The following OR9Q1 variants were observed in gnomAD, a reference collection of about 807,000 sequenced individuals.
OR9Q1 encodes the protein olfactory receptor family 9 subfamily Q member 1, also known as olfactory receptor 9Q1.
For synonymous variants in OR9Q1, 153 were observed against 148.6 expected (o/e 1.03, Z -0.22); for missense variants, 374 against 378.8 (o/e 0.99, Z 0.11).
In OR9Q1 at chr11:58,109,181, T is replaced by A. The variant is rs924608963; in HGVS notation, c.-15+53234T>A. 5 of 486,460 alleles carry A rather than the reference T, an allele frequency of 1.0e-5. No homozygotes were observed. The Admixed American group carries it at 1.1e-4, about 11-fold the overall frequency. 30.1% of individuals were successfully genotyped at this position (486,460 alleles called of 1,614,324 possible). A position where few individuals can be genotyped will look rare whatever the true frequency, so the allele number is the denominator to read the frequency against. ...CAGAAGGAGAGGGTGAAGGTGCACGTGGTATGCAGAATGGCCCCTGACACC... is the reference window on the plus strand; with the variant it reads ...CAGAAGGAGAGGGTGAAGGTGCACGAGGTATGCAGAATGGCCCCTGACACC... On this transcript the variant is annotated intron_variant, in intron 2 of 2. Coordinates refer to ENST00000335397, the MANE Select transcript of OR9Q1 (RefSeq NM_001005212.4).
chr11:58,064,862 C>A (rs1340276954), intron 2 of OR9Q1, among the ~76,000 whole-genome samples: 1 of 151,910 alleles, frequency 6.6e-6, no homozygotes, highest in East Asian at 1.9e-4. Context: ...TGTAGATGTA[C>A]ATTTGCTTAA....
intron 2 of OR9Q1, among the ~76,000 whole-genome samples, chr11:58,151,421 G>A (rs1453157216): frequency 6.6e-6 from 1 of 152,180 alleles, no homozygotes; most frequent in Admixed American, 6.5e-5. Flanking sequence ...AGGTGGTGTT[G>A]CATCATTTGC....
At chr11:58,134,407 A>T (rs192437981) in intron 2 of OR9Q1, among the ~76,000 whole-genome samples, 259 of 152,234 alleles carry the variant, frequency 1.7e-3, no homozygotes, top group African/African-American at 5.6e-3. Flanking sequence ...TTGTATGTGG[A>T]CAATCCCTCC....
intron 2 of OR9Q1, among the ~76,000 whole-genome samples, chr11:58,128,658 A>C (rs1854112447): frequency 6.6e-6 from 1 of 152,184 alleles, no homozygotes; most frequent in African/African-American, 2.4e-5. Context: ...TTTTTGTGGA[A>C]GTGCCCATCA....
intron 2 of OR9Q1, among the ~76,000 whole-genome samples, chr11:58,160,437 A>AG (rs1565093587): frequency 2.4e-4 from 27 of 111,558 alleles, no homozygotes; most frequent in African/African-American, 8.6e-4. Flanking sequence ...TGAGTAGAAT[A>AG]TTTGTTGTTG....
Position 58,031,209 on chromosome 11 carries a change from G to T in OR9Q1, c.-93+7105G>T. 6.2e-7 allele frequency: 1 copy of T among 1,614,168 alleles called. No individual in the cohort carries two copies. Among genetic ancestry groups the T allele is most frequent in the Non-Finnish European group, 8.5e-7 (1 of 1,180,022 alleles). ...GTTACAGTGCCCAAGATGCTGGCTG[G>T]TTTTATTGGGGTGGATGGTGGCAAG... On this transcript the variant is annotated intron_variant, in intron 1 of 2. Coordinates refer to ENST00000335397, the MANE Select transcript of OR9Q1 (RefSeq NM_001005212.4).
intron 1 of OR9Q1, among the ~76,000 whole-genome samples, chr11:58,032,115 A>G (rs1040511537): frequency 1.3e-5 from 2 of 152,236 alleles, no homozygotes; most frequent in African/African-American, 2.4e-5. Context: ...AGATGACACA[A>G]ACAAATGAAA....
rs919197602 is a variant in OR9Q1 at position 58,031,781 on chromosome 11, G to A, written c.-93+7677G>A. On this transcript the variant is annotated intron_variant, in intron 1 of 2. Coordinates refer to ENST00000335397, the MANE Select transcript of OR9Q1 (RefSeq NM_001005212.4). ...GACCTCCTCCATCAACTTCAACAAG[G>A]TGGTATCTGTCTTCTACTCTGTTGT... 3.0e-5 allele frequency: 48 copies of A among 1,613,844 alleles called. No individual in the cohort carries two copies. The highest frequency in any genetic ancestry group is 3.5e-5 in the Non-Finnish European group (41 of 1,179,886).
intron 1 of OR9Q1, among the ~76,000 whole-genome samples, chr11:58,048,711 A>G (rs1853247109): frequency 7.1e-6 from 1 of 141,056 alleles, no homozygotes; most frequent in African/African-American, 2.7e-5. Flanking sequence ...AGCAAGACTA[A>G]TAAAAAAAGA....
intron 2 of OR9Q1, among the ~76,000 whole-genome samples, chr11:58,177,085 T>G (rs1451320): frequency 0.99 from 150,588 of 152,294 alleles, 74,472 homozygotes; most frequent in Middle Eastern, 1. Flanking sequence ...TCTGACACAA[T>G]CATAGCTGCC....
At chr11:58,137,993 G>A (rs1166349869) in intron 2 of OR9Q1, among the ~76,000 whole-genome samples, 2 of 152,158 alleles carry the variant, frequency 1.3e-5, no homozygotes, top group Admixed American at 6.5e-5. Context: ...TGTTAGTGCT[G>A]TCTTTTTATA....
At chr11:58,132,105 A>T (rs1164727778) in intron 2 of OR9Q1, among the ~76,000 whole-genome samples, 1 of 152,218 alleles carries the variant, frequency 6.6e-6, no homozygotes, top group Admixed American at 6.5e-5. Flanking sequence ...TAACTCACTT[A>T]AATCCACAAG....
intron 2 of OR9Q1, among the ~76,000 whole-genome samples, chr11:58,075,239 G>A (rs1853528260): frequency 2.0e-5 from 3 of 152,296 alleles, no homozygotes; most frequent in East Asian, 3.9e-4. Flanking sequence ...CTATCCAGGA[G>A]CATAGAATGT....
chr11:58,167,955 T>C lies in OR9Q1; in HGVS notation c.-14-11476T>C, dbSNP rs531033602. ...GAAATAGACTCTATCTCTTGAAGGG[T>C]GGAGCTGCCATCACATTGCAAAAGG... is the stretch of plus-strand genomic sequence containing the variant. On this transcript the variant is annotated intron_variant, in intron 2 of 2. Coordinates refer to ENST00000335397, the MANE Select transcript of OR9Q1 (RefSeq NM_001005212.4). Among the ~76,000 whole-genome samples the C allele has an allele frequency of 2.0e-5, 3 of 152,298 alleles. No homozygotes were observed. The East Asian group carries it at 5.8e-4, about 29-fold the overall frequency.
At chr11:58,094,131 T>C (rs1320016651) in intron 2 of OR9Q1, among the ~76,000 whole-genome samples, 1 of 152,174 alleles carries the variant, frequency 6.6e-6, no homozygotes, top group East Asian at 1.9e-4. Context: ...TGAAGTCATG[T>C]CTTTTGCAGT....
chr11:58,118,925 T>C, intron 2 of OR9Q1: 2 of 1,613,976 alleles, frequency 1.2e-6, no homozygotes, highest in Middle Eastern at 1.6e-4. Context: ...AAGAAGTTTA[T>C]TTGATTGTCC....
chr11:58,104,938 G>T (rs1325116814), intron 2 of OR9Q1, among the ~76,000 whole-genome samples: 1 of 152,140 alleles, frequency 6.6e-6, no homozygotes, highest in Non-Finnish European at 1.5e-5. Flanking sequence ...GGAGTCGATT[G>T]TTGCTGCAGA....
intron 1 of OR9Q1, among the ~76,000 whole-genome samples, chr11:58,053,607 T>TAAA (rs1425174249): frequency 7.8e-5 from 6 of 76,966 alleles, no homozygotes; most frequent in African/African-American, 3.0e-4. Context: ...ATAATAAAAT[T>TAAA]AAAAAATATA....
At chr11:58,076,220 T>G (rs1318471099) in intron 2 of OR9Q1, among the ~76,000 whole-genome samples, 1 of 152,226 alleles carries the variant, frequency 6.6e-6, no homozygotes, top group Admixed American at 6.5e-5. Context: ...ATTTAGCAGC[T>G]CAAAGCAACA....
Sources: gnomAD v4.1 joint callset for allele counts (sites outside exome capture counted in the v4.1 genomes callset) on GRCh38, gnomAD v4.1.1 for gene constraint, MANE v1.5 for transcripts, NCBI Gene and HGNC (gene_info 2026-07-23, HGNC 2026-07-21) for gene names.